Variants in NRBF2 observed in about 807,000 individuals in gnomAD.
The protein encoded by NRBF2 is nuclear receptor-binding factor 2.
A neutral mutation model predicts 28.5 loss-of-function variants in NRBF2; 12 were observed. That is an observed-to-expected ratio of 0.42 (90% CI 0.27 to 0.68). The LOEUF is 0.68. NRBF2 is among the 30% of genes least tolerant of loss of function. The pLI is 0.24. For missense variants in NRBF2, 274 were observed against 333.5 expected (o/e 0.82, Z 1.39); for synonymous variants, 102 against 116.5 (o/e 0.88, Z 0.80).
At chr10:63,148,902 A>C (rs1841604421) in intron 2 of NRBF2, among the ~76,000 whole-genome samples, 1 of 152,212 alleles carries the variant, frequency 6.6e-6, no homozygotes, top group Non-Finnish European at 1.5e-5. Flanking sequence ...TAGAACTCAA[A>C]GTGAGCATTT....
intron 1 of NRBF2, among the ~76,000 whole-genome samples, chr10:63,144,810 C>A (rs541369540): frequency 2.0e-5 from 3 of 152,262 alleles, no homozygotes; most frequent in African/African-American, 7.2e-5. Flanking sequence ...ATTGCTTTCA[C>A]CTTTTGGCTG....
chr10:63,153,680 C>T lies in NRBF2; in HGVS notation c.326C>T (p.Ala109Val), dbSNP rs1272412555. ...TCTCACAAACCCTCTGCAGAGGATG[C>T]AGAGGGCCAGAGTCCCCTTTCTCAG... ...QTSHKPSAED[A>V]EGQSPLSQKY... is the part of the protein sequence containing the mutation. Residue 109 changes from alanine to valine, a missense_variant, in exon 4 of 4, where the codon GCA (alanine) becomes GTA (valine). Coordinates refer to ENST00000277746, the MANE Select transcript of NRBF2 (RefSeq NM_030759.5). 5 of 1,611,950 alleles carry T rather than the reference C, an allele frequency of 3.1e-6. No individual in the cohort carries two copies. The highest frequency in any genetic ancestry group is 1.3e-5 in the African/African-American group (1 of 74,834).
At chr10:63,144,627 A>G (rs536696735) in intron 1 of NRBF2, among the ~76,000 whole-genome samples, 3 of 152,152 alleles carry the variant, frequency 2.0e-5, no homozygotes, top group African/African-American at 7.2e-5. Context: ...CGTGTTAGCC[A>G]AGATGGTCTC....
At chr10:63,140,990 C>T (rs557076512) in intron 1 of NRBF2, among the ~76,000 whole-genome samples, 2 of 152,300 alleles carry the variant, frequency 1.3e-5, no homozygotes, top group African/African-American at 4.8e-5. Flanking sequence ...TGAGCCTCCG[C>T]TCCTGGCCTC....
At chr10:63,147,305 T>A (rs1024564989) in intron 2 of NRBF2, among the ~76,000 whole-genome samples, 2 of 151,520 alleles carry the variant, frequency 1.3e-5, no homozygotes, top group African/African-American at 4.8e-5. Context: ...GTTGGTAATT[T>A]TCAGAGAAAA....
chr10:63,142,800 T>TTTTTTTTTTTTTTTTTTA (rs71025115), intron 1 of NRBF2, among the ~76,000 whole-genome samples: 1 of 138,636 alleles, frequency 7.2e-6, no homozygotes, highest in African/African-American at 2.9e-5. Flanking sequence ...TTTTTTTTTT[T>TTTTTTTTTTTTTTTTTTA]GAGGCTGTCT....
At chr10:63,153,209 C>T (rs572037742) in intron 3 of NRBF2, among the ~76,000 whole-genome samples, 11 of 151,992 alleles carry the variant, frequency 7.2e-5, no homozygotes, top group Non-Finnish European at 1.3e-4. Flanking sequence ...TCCAAACACG[C>T]GGTTGATAGG....
At chr10:63,139,724 T>C (rs1841433689) in intron 1 of NRBF2, among the ~76,000 whole-genome samples, 3 of 152,214 alleles carry the variant, frequency 2.0e-5, no homozygotes, top group Non-Finnish European at 4.4e-5. Context: ...TCTGCAGACC[T>C]ATATTTCCAC....
chr10:63,138,613 G>A (rs1470117485), intron 1 of NRBF2, among the ~76,000 whole-genome samples: 3 of 151,494 alleles, frequency 2.0e-5, no homozygotes, highest in African/African-American at 4.8e-5. Context: ...GTGCAGTGGC[G>A]GGCGCCTGTA....
Position 63,153,623 on chromosome 10 carries a change from C to T in NRBF2, c.269C>T (p.Thr90Ile), listed in dbSNP as rs1841683738. The stretch of plus-strand genomic sequence containing the variant: ...GAAAGATTGAAAGCCCAGCAGAACA[C>T]AGACAAGGATGCAGCTGCCCATCTT... ...REERLKAQQN[T>I]DKDAAAHLQT... is the part of the protein sequence containing the mutation. Residue 90 changes from threonine to isoleucine, a missense_variant, in exon 4 of 4, where the codon ACA becomes ATA. Transcript: ENST00000277746. The T allele has an allele frequency of 3.1e-6, 5 of 1,611,814 alleles. No individual in the cohort carries two copies. The African/African-American group carries it at 6.7e-5, about 22-fold the overall frequency.
chr10:63,134,813 C>T (rs1652993687), intron 1 of NRBF2, among the ~76,000 whole-genome samples: 1 of 152,200 alleles, frequency 6.6e-6, no homozygotes, highest in Admixed American at 6.5e-5. Context: ...TGAGGCGCCC[C>T]TCCCTTTTAA....
intron 1 of NRBF2, among the ~76,000 whole-genome samples, chr10:63,133,977 TCACTTCCCCCTCCTCACCCTC>T (rs774837916): frequency 0.045 from 3,284 of 72,186 alleles, 69 homozygotes; most frequent in Non-Finnish European, 0.059. Context: ...TCCTCACCCT[TCACTTCCCCCTCCTCACCCTC>T]CACTTCCCCC....
At chr10:63,140,536 C>G (rs1014228335) in intron 1 of NRBF2, among the ~76,000 whole-genome samples, 5 of 152,110 alleles carry the variant, frequency 3.3e-5, no homozygotes, top group South Asian at 2.1e-4. Flanking sequence ...CTACCAGTCC[C>G]TCCTGTAGCT....
intron 1 of NRBF2, among the ~76,000 whole-genome samples, chr10:63,140,006 C>G (rs989447282): frequency 6.6e-6 from 1 of 151,858 alleles, no homozygotes; most frequent in African/African-American, 2.4e-5. Flanking sequence ...AGCATGGTGG[C>G]ACATGTCTGT....
At chr10:63,149,664 T>C (rs1436503102) in intron 2 of NRBF2, among the ~76,000 whole-genome samples, 1 of 152,242 alleles carries the variant, frequency 6.6e-6, no homozygotes. Context: ...GGGAATACTT[T>C]AAATGACAGT....
chr10:63,133,579 T>C (rs1841322497), intron 1 of NRBF2, 79 bp downstream of exon 1: 1 of 1,119,782 alleles, frequency 8.9e-7, no homozygotes. Flanking sequence ...GCGCGTCGGC[T>C]AACCCTTTAG....
chr10:63,147,319 A>T (rs1189895895), intron 2 of NRBF2, among the ~76,000 whole-genome samples: 2 of 148,456 alleles, frequency 1.3e-5, no homozygotes, highest in Admixed American at 1.4e-4. Context: ...GAGAAAATTA[A>T]AATTTTTTTT....
At chr10:63,140,087 G>T (rs1007363554) in intron 1 of NRBF2, among the ~76,000 whole-genome samples, 1 of 152,048 alleles carries the variant, frequency 6.6e-6, no homozygotes, top group African/African-American at 2.4e-5. Context: ...GCAGTGAGCC[G>T]TTATCATGCC....
chr10:63,144,040 G>A (rs1841519665), intron 1 of NRBF2, among the ~76,000 whole-genome samples: 1 of 152,168 alleles, frequency 6.6e-6, no homozygotes, highest in African/African-American at 2.4e-5. Context: ...TTATAGGCAT[G>A]AGCCACAGCA....
Sources: gnomAD v4.1 joint callset for allele counts (sites outside exome capture counted in the v4.1 genomes callset) on GRCh38, gnomAD v4.1.1 for gene constraint, MANE v1.5 for transcripts, NCBI Gene and HGNC (gene_info 2026-07-23, HGNC 2026-07-21) for gene names.